The following NRXN1 variants were observed in gnomAD, a reference collection of about 807,000 sequenced individuals.
NRXN1 encodes neurexin 1.
In NRXN1, 39 loss-of-function variants were observed where a neutral mutation model predicts 150.9. That is an observed-to-expected ratio of 0.26 (90% CI 0.20 to 0.34). The LOEUF is 0.34. Among genes scored for constraint, NRXN1 ranks in the 10% least tolerant of loss-of-function variants. The pLI, the probability that NRXN1 is intolerant of heterozygous loss-of-function variation, is 1.00. For synonymous variants in NRXN1, 924 were observed against 757.0 expected (o/e 1.22, Z -3.62); for missense variants, 1,815 against 1,949.9 (o/e 0.93, Z 1.30).
chr2:50,382,119 A>C (rs2351515), intron 17 of NRXN1, among the ~76,000 whole-genome samples: 80,790 of 151,780 alleles, frequency 0.53, 22,786 homozygotes, highest in East Asian at 0.8. Flanking sequence ...TGTAAGAAAG[A>C]CCTATTACTC....
At chr2:50,834,773 C>T (rs1375679951) in intron 5 of NRXN1, among the ~76,000 whole-genome samples, 1 of 152,038 alleles carries the variant, frequency 6.6e-6, no homozygotes, top group Non-Finnish European at 1.5e-5. Flanking sequence ...CAGGGCCCAA[C>T]CCAGGTCTGA....
At chr2:50,433,561 T>TA (rs1240251898) in intron 17 of NRXN1, among the ~76,000 whole-genome samples, 1 of 135,808 alleles carries the variant, frequency 7.4e-6, no homozygotes, top group African/African-American at 3.5e-5. Context: ...CAGGAGGTAA[T>TA]AATTTTTTTT....
intron 15 of NRXN1, among the ~76,000 whole-genome samples, chr2:50,491,540 C>G (rs1485674996): frequency 6.6e-6 from 1 of 151,938 alleles, no homozygotes; most frequent in Non-Finnish European, 1.5e-5. Context: ...GGGTGATGAT[C>G]CTGGTAAGAA....
At chr2:50,224,845 T>C (rs916811750) in intron 18 of NRXN1, among the ~76,000 whole-genome samples, 1 of 151,932 alleles carries the variant, frequency 6.6e-6, no homozygotes, top group African/African-American at 2.4e-5. Context: ...TAGTGGATTC[T>C]TCTCTTCTCA....
chr2:50,444,559 C>T (rs1241227635), intron 17 of NRXN1, among the ~76,000 whole-genome samples: 1 of 152,094 alleles, frequency 6.6e-6, no homozygotes. Flanking sequence ...GTCTGCCTAT[C>T]GGACCTTTTT....
chr2:49,956,394 T>C (rs1674949750), intron 21 of NRXN1, among the ~76,000 whole-genome samples: 1 of 152,170 alleles, frequency 6.6e-6, no homozygotes, highest in Non-Finnish European at 1.5e-5. Context: ...TTAACTTTTT[T>C]GGAAAATGTG....
intron 5 of NRXN1, among the ~76,000 whole-genome samples, chr2:50,861,386 T>A (rs940174653): frequency 2.0e-5 from 3 of 152,040 alleles, no homozygotes; most frequent in Non-Finnish European, 4.4e-5. Context: ...CTGCCGTACT[T>A]TATTTAGTTT....
At chr2:50,136,636 G>C (rs541404569) in intron 18 of NRXN1, among the ~76,000 whole-genome samples, 10 of 152,176 alleles carry the variant, frequency 6.6e-5, no homozygotes, top group African/African-American at 2.2e-4. Flanking sequence ...ATAGCATTTT[G>C]CTGCAACTTT....
intron 5 of NRXN1, among the ~76,000 whole-genome samples, chr2:50,895,578 T>TTG (rs2103884536): frequency 7.1e-6 from 1 of 140,418 alleles, no homozygotes; most frequent in Non-Finnish European, 1.6e-5. Flanking sequence ...GTTTTTTTTG[T>TTG]TTGTTTGTCT....
intron 22 of NRXN1, among the ~76,000 whole-genome samples, chr2:49,935,060 TTTAG>T (rs1408815892): frequency 1.6e-4 from 24 of 152,256 alleles, no homozygotes; most frequent in African/African-American, 5.3e-4. Flanking sequence ...TGGTTTACTA[TTTAG>T]TTAGTTTGCT....
intron 21 of NRXN1, among the ~76,000 whole-genome samples, chr2:49,980,373 C>T (rs1288989148): frequency 6.6e-6 from 1 of 152,062 alleles, no homozygotes; most frequent in Non-Finnish European, 1.5e-5. Context: ...GGAGTTTCAG[C>T]TTCGGAATTC....
chr2:49,964,544 C>T (rs766844604), intron 21 of NRXN1, among the ~76,000 whole-genome samples: 30 of 151,112 alleles, frequency 2.0e-4, no homozygotes, highest in Non-Finnish European at 4.0e-4. Context: ...CACGCCATTG[C>T]ACTTCAGCAA....
chr2:49,960,743 C>A (rs764610061), intron 21 of NRXN1, among the ~76,000 whole-genome samples: 5 of 152,086 alleles, frequency 3.3e-5, no homozygotes, highest in Non-Finnish European at 5.9e-5. Context: ...AAAAGACATG[C>A]AAAAAACATC....
intron 21 of NRXN1, among the ~76,000 whole-genome samples, chr2:49,949,081 CTT>C (rs1673465412): frequency 6.6e-6 from 1 of 151,950 alleles, no homozygotes; most frequent in Admixed American, 6.6e-5. Flanking sequence ...GGCTGTAAAA[CTT>C]AATCCATCCT....
intron 8 of NRXN1, among the ~76,000 whole-genome samples, chr2:50,595,122 G>A (rs1382814014): frequency 1.3e-5 from 2 of 151,948 alleles, no homozygotes; most frequent in Admixed American, 1.3e-4. Flanking sequence ...TTGTTATGAG[G>A]ACATGTGGCC....
chr2:50,903,135 A>C (rs997204215), intron 5 of NRXN1, among the ~76,000 whole-genome samples: 4 of 152,156 alleles, frequency 2.6e-5, no homozygotes, highest in South Asian at 2.1e-4. Flanking sequence ...AGGAAGAATA[A>C]AGCTATGTTT....
chr2:50,538,532 T>C lies in NRXN1; in HGVS notation c.1864A>G (p.Lys622Glu). ...TCGGTGGGGAAGACAAGGCCAGCTT[T>C]ATTTTCTGGCAGCCCCCCCAGGTAC... ...ELYLGGLPEN[K>E]AGLVFPTEVW... The change falls in exon 10 of 23, where the codon AAA (lysine) becomes GAA (glutamate). Residue 622 changes from lysine to glutamate, a missense_variant. By Grantham distance (56) the Lys-to-Glu change is moderately conservative. Transcript: ENST00000401669. The C allele has an allele frequency of 1.3e-6, 2 of 1,595,488 alleles. No homozygotes were observed. Among genetic ancestry groups the C allele is most frequent in the Non-Finnish European group, 1.7e-6 (2 of 1,168,834 alleles).
chr2:50,447,736 G>GC (rs2086560977), intron 17 of NRXN1, among the ~76,000 whole-genome samples: 1 of 23,768 alleles, frequency 4.2e-5, no homozygotes, highest in Non-Finnish European at 6.0e-5. Flanking sequence ...GCAGGGGAAC[G>GC]TTATATATAT....
intron 17 of NRXN1, among the ~76,000 whole-genome samples, chr2:50,373,294 T>TATTATTATTA (rs565617688): frequency 7.1e-6 from 1 of 140,412 alleles, no homozygotes; most frequent in Non-Finnish European, 1.5e-5. Flanking sequence ...TATTTTATTT[T>TATTATTATTA]TTATTATTAT....
Sources: gnomAD v4.1 joint callset for allele counts (sites outside exome capture counted in the v4.1 genomes callset) on GRCh38, gnomAD v4.1.1 for gene constraint, MANE v1.5 for transcripts, NCBI Gene and HGNC (gene_info 2026-07-23, HGNC 2026-07-21) for gene names.